The following ADGRD1 variants were observed in gnomAD, a reference collection of about 807,000 sequenced individuals.
ADGRD1 encodes the protein G-protein coupled receptor 133.
Under a neutral mutation model 113.4 loss-of-function variants are expected in ADGRD1, and 77 were observed. The ratio of observed to expected loss-of-function variants is 0.68; its 90% CI spans 0.57 to 0.82. The LOEUF is 0.82. ADGRD1 is among the 40% of genes least tolerant of loss of function. The pLI is 0.00. For missense variants in ADGRD1, 1,036 were observed against 1,139.1 expected (o/e 0.91, Z 1.30); for synonymous variants, 474 against 475.0 (o/e 1.00, Z 0.03).
At chr12:131,097,859 C>T (rs1023024647) in intron 15 of ADGRD1, among the ~76,000 whole-genome samples, 10 of 152,202 alleles carry the variant, frequency 6.6e-5, no homozygotes, top group Non-Finnish European at 1.2e-4. Flanking sequence ...CTCTTGTGCC[C>T]GGGAGCCCAT....
At chr12:130,964,001 T>C (rs1870720144) in intron 2 of ADGRD1, among the ~76,000 whole-genome samples, 1 of 152,212 alleles carries the variant, frequency 6.6e-6, no homozygotes, top group African/African-American at 2.4e-5. Context: ...TTGTTTAATA[T>C]ACTTTTTAAA....
rs900491877 is a variant in ADGRD1 at position 130,984,065 on chromosome 12, C to T, written c.490+2002C>T. On this transcript the variant is annotated intron_variant, in intron 5 of 24. Transcript: ENST00000261654. The surrounding 1 kb of genome is among the most constrained non-coding windows in gnomAD (Gnocchi z 4.1). ...CACTCCCATGTTGGTTAACATTATA[C>T]GCCCTCGCTTAGAGCACAGGCTGAT... Among the ~76,000 whole-genome samples, 11 of 152,174 alleles carry T rather than the reference C, an allele frequency of 7.2e-5. No homozygotes were observed. The highest frequency in any genetic ancestry group is 1.4e-4 in the African/African-American group (6 of 41,436).
intron 18 of ADGRD1, among the ~76,000 whole-genome samples, chr12:131,112,932 C>T (rs998735699): frequency 6.6e-6 from 1 of 152,356 alleles, no homozygotes; most frequent in Non-Finnish European, 1.5e-5. Context: ...GAGTCCCAAC[C>T]TTTCAGCTGC....
At chr12:131,099,010 G>C (rs543769397) in intron 15 of ADGRD1, among the ~76,000 whole-genome samples, 1 of 152,342 alleles carries the variant, frequency 6.6e-6, no homozygotes, top group East Asian at 1.9e-4. Context: ...TTGCTCTGAG[G>C]AGTCGATGCC....
chr12:131,072,693 G>C (rs1481506848), intron 13 of ADGRD1, among the ~76,000 whole-genome samples: 1 of 152,242 alleles, frequency 6.6e-6, no homozygotes, highest in Non-Finnish European at 1.5e-5. Flanking sequence ...ATGCCAAAGA[G>C]ATCTCTGCAG....
intron 18 of ADGRD1, among the ~76,000 whole-genome samples, chr12:131,116,753 A>C (rs1177997485): frequency 1.3e-5 from 2 of 152,192 alleles, no homozygotes; most frequent in African/African-American, 4.8e-5. Flanking sequence ...GGTGTGGAGT[A>C]AGGAGCTGGT....
chr12:131,003,756 C>T lies in ADGRD1; in HGVS notation c.1145-430C>T, dbSNP rs139355714. On this transcript the variant is annotated intron_variant, in intron 10 of 24. Transcript: ENST00000261654. The surrounding 1 kb of genome is among the most constrained non-coding windows in gnomAD (Gnocchi z 4.8). ...GGAGTGCATTATCCTGCTGATACTT[C>T]GCTGCAAGAGCCGAGCTGGGGAAAA... Among the ~76,000 whole-genome samples, 16 of 152,342 alleles carry T rather than the reference C, an allele frequency of 1.1e-4. No individual in the cohort carries two copies. Among genetic ancestry groups the T allele is most frequent in the African/African-American group, 3.1e-4 (13 of 41,580 alleles).
At chr12:131,024,392 T>C (rs1003822669) in intron 13 of ADGRD1, 1 of 152,178 alleles carries the variant, frequency 6.6e-6, no homozygotes, top group African/African-American at 2.4e-5. Flanking sequence ...GGGTTTCCAG[T>C]GTGGCTGGTG....
intron 13 of ADGRD1, chr12:131,025,991 GC>G (rs761785995): frequency 2.0e-5 from 3 of 152,252 alleles, no homozygotes; most frequent in Non-Finnish European, 4.4e-5. Context: ...CACCACGGAA[GC>G]CCACGGAGGT....
intron 4 of ADGRD1, among the ~76,000 whole-genome samples, chr12:130,974,318 G>C (rs1872055728): frequency 6.6e-6 from 1 of 152,092 alleles, no homozygotes; most frequent in Non-Finnish European, 1.5e-5. Flanking sequence ...AAAAATCAAT[G>C]GTTATGTTTT....
chr12:131,120,477 T>TCGCTGAC (rs1950566367), intron 19 of ADGRD1, among the ~76,000 whole-genome samples: 1 of 152,144 alleles, frequency 6.6e-6, no homozygotes, highest in African/African-American at 2.4e-5. Flanking sequence ...AGGTGCTGCA[T>TCGCTGAC]CGCTGACGAC....
chr12:131,030,907 T>C (rs1355267618), intron 13 of ADGRD1: 1 of 152,248 alleles, frequency 6.6e-6, no homozygotes, highest in Admixed American at 6.5e-5. Context: ...CAGCCTGTTG[T>C]TCTGGGGTCG....
chr12:131,087,926 G>A (rs1206723232), intron 15 of ADGRD1, among the ~76,000 whole-genome samples: 3 of 152,206 alleles, frequency 2.0e-5, no homozygotes, highest in Non-Finnish European at 4.4e-5. Context: ...TAAATTTCTT[G>A]CCATGGACCA....
Position 131,118,497 on chromosome 12 carries a change from CA to C in ADGRD1, c.2108+47del, listed in dbSNP as rs766288599. 1.5e-5 allele frequency: 22 copies of C among 1,438,484 alleles called. No individual in the cohort carries two copies. The South Asian group carries it at 2.7e-4, about 18-fold the overall frequency. 89.1% of individuals were successfully genotyped at this position (1,438,484 alleles called of 1,614,324 possible). A position where few individuals can be genotyped will look rare whatever the true frequency, so the allele number is the denominator to read the frequency against. On this transcript the variant is annotated intron_variant, in intron 19 of 24. Transcript: ENST00000261654. ...TGCTTTTGGCAGGCGTTCCATGGAA[CA>C]GCTTGTGGCGAGAGCCCCGTGGCTC...
At chr12:131,088,741 C>T (rs927489979) in intron 15 of ADGRD1, among the ~76,000 whole-genome samples, 2 of 152,056 alleles carry the variant, frequency 1.3e-5, no homozygotes, top group Non-Finnish European at 2.9e-5. Context: ...GCTGGTGTGG[C>T]GGGGGTGGAG....
intron 13 of ADGRD1, among the ~76,000 whole-genome samples, chr12:131,055,274 C>T (rs956532488): frequency 1.3e-5 from 2 of 152,136 alleles, no homozygotes; most frequent in South Asian, 4.1e-4. Context: ...TGACAGGGTG[C>T]CCACGGATTC....
Position 130,965,149 on chromosome 12 carries a change from G to C in ADGRD1, c.104-1314G>C, listed in dbSNP as rs149598811. ...TTGTTTTCATAAATATTTTCTTTTT[G>C]TTGGCTGCACTTAGGAGAACTCTTC... On this transcript the variant is annotated intron_variant, in intron 2 of 24. Coordinates refer to ENST00000261654, the MANE Select transcript of ADGRD1 (RefSeq NM_198827.5). This position sits in a 1 kb window ranked among gnomAD's most constrained non-coding sequence, Gnocchi z 4.8. 7.9e-3 allele frequency among the ~76,000 whole-genome samples: 1,198 copies of C among 151,772 alleles called. 9 individuals carry two copies. The highest frequency in any genetic ancestry group is 0.014 in the Non-Finnish European group (949 of 67,946).
At chr12:131,024,391 G>A (rs536094125) in intron 13 of ADGRD1, 6 of 152,392 alleles carry the variant, frequency 3.9e-5, no homozygotes, top group African/African-American at 1.2e-4. Flanking sequence ...AGGGTTTCCA[G>A]TGTGGCTGGT....
intron 12 of ADGRD1, among the ~76,000 whole-genome samples, chr12:131,006,452 G>T (rs1877125295): frequency 6.6e-6 from 1 of 152,238 alleles, no homozygotes; most frequent in Non-Finnish European, 1.5e-5. Context: ...CCAGGAAACT[G>T]AGGGCTCAGG....
Sources: allele counts gnomAD v4.1 joint callset (sites outside exome capture counted in the v4.1 genomes callset), GRCh38; gene constraint gnomAD v4.1.1; non-coding constraint Gnocchi (gnomAD v3.1); transcripts MANE v1.5; gene names NCBI Gene and HGNC (gene_info 2026-07-23, HGNC 2026-07-21).